ADGRA3: variants seen among roughly 807,000 people sequenced by gnomAD.
ADGRA3 encodes adhesion G protein-coupled receptor A3.
ADGRA3 carries 56 observed loss-of-function variants against 119.8 expected under a neutral mutation model. The ratio of observed to expected loss-of-function variants is 0.47; its 90% CI spans 0.38 to 0.58. ADGRA3 has a LOEUF of 0.58. Ranked by LOEUF, ADGRA3 falls within the 20% of genes least tolerant of loss-of-function variation. The pLI is 0.00. For missense variants in ADGRA3, 1,516 were observed against 1,649.0 expected, an observed-to-expected ratio of 0.92 and a Z score of 1.40; for synonymous variants, 607 against 623.8, an observed-to-expected ratio of 0.97 and a Z score of 0.40.
Position 22,388,078 on chromosome 4 carries a change from A to G in ADGRA3, c.3593T>C (p.Val1198Ala). 6.2e-7 allele frequency: 1 copy of G among 1,613,948 alleles called. No individual in the cohort carries two copies. Among genetic ancestry groups the G allele is most frequent in the Non-Finnish European group, 8.5e-7 (1 of 1,179,986 alleles). ...REYAYDVPTS[V>A]EGSVQNGLPK... ...TAAGCCGTTCTGCACGCTTCCTTCC[A>G]CGCTCGTTGGGACATCGTAGGCATA... is the stretch of plus-strand genomic sequence containing the variant. The change falls in exon 19 of 19, where the codon GTG becomes GCG. Residue 1198 changes from valine to alanine, a missense_variant. Physicochemically the swap from Val to Ala is moderately conservative, Grantham distance 64 (BLOSUM62 0). Around this residue, in one of 2 missense-constraint regions of ADGRA3, gnomAD observed 1,088 missense variants for 1,107.1 expected, o/e 0.98. Coordinates refer to ENST00000334304, the MANE Select transcript of ADGRA3 (RefSeq NM_145290.4).
At chr4:22,434,339 A>G (rs576720000) in intron 10 of ADGRA3, among the ~76,000 whole-genome samples, 46 of 152,060 alleles carry the variant, frequency 3.0e-4, no homozygotes, top group Non-Finnish European at 3.7e-4. Context: ...GAAGTTCTAC[A>G]TAAAGAAATA....
At chr4:22,490,623 A>C (rs1442359361) in intron 1 of ADGRA3, among the ~76,000 whole-genome samples, 1 of 152,220 alleles carries the variant, frequency 6.6e-6, no homozygotes, top group African/African-American at 2.4e-5. Flanking sequence ...AAGTGCTACA[A>C]GAGGGATATG....
chr4:22,420,680 G>A (rs1318705974), intron 12 of ADGRA3: 1 of 573,676 alleles, frequency 1.7e-6, no homozygotes, highest in Non-Finnish European at 3.1e-6. Flanking sequence ...TGAAGAAAGG[G>A]AATCAAAGGC....
chr4:22,496,144 T>C (rs1718817706), intron 1 of ADGRA3, among the ~76,000 whole-genome samples: 1 of 152,190 alleles, frequency 6.6e-6, no homozygotes, highest in African/African-American at 2.4e-5. Context: ...AAATAATTTA[T>C]ATCTGTCAAT....
At chr4:22,402,054 C>T (rs376033890) in intron 15 of ADGRA3, among the ~76,000 whole-genome samples, 172 of 152,246 alleles carry the variant, frequency 1.1e-3, no homozygotes, top group Middle Eastern at 0.01. Context: ...TGTTTCTTAA[C>T]TAAATGTCAA....
chr4:22,454,817 G>T, intron 4 of ADGRA3, 49 bp downstream of exon 4: 1 of 1,360,490 alleles, frequency 7.4e-7, no homozygotes, highest in Non-Finnish European at 1.1e-6. Flanking sequence ...TTTAGGTACT[G>T]GCTCAAATGC....
chr4:22,442,355 T>C (rs987606260), intron 7 of ADGRA3, among the ~76,000 whole-genome samples: 3 of 152,006 alleles, frequency 2.0e-5, no homozygotes, highest in African/African-American at 4.8e-5. Context: ...CAGGAAATAG[T>C]TGGAAATTAG....
chr4:22,401,029 T>A (rs1714613611), intron 16 of ADGRA3, among the ~76,000 whole-genome samples: 2 of 152,212 alleles, frequency 1.3e-5, no homozygotes, highest in African/African-American at 4.8e-5. Flanking sequence ...CCTAGTGTCA[T>A]TTTTATATCT....
chr4:22,446,954 AAC>A (rs1422016216), intron 5 of ADGRA3, among the ~76,000 whole-genome samples: 2 of 152,168 alleles, frequency 1.3e-5, no homozygotes, highest in Non-Finnish European at 2.9e-5. Flanking sequence ...TGTAAATCAG[AAC>A]TTAAACTGAT....
At chr4:22,394,211 C>T (rs1241896605) in intron 16 of ADGRA3, 5 of 152,032 alleles carry the variant, frequency 3.3e-5, no homozygotes, top group African/African-American at 9.7e-5. Flanking sequence ...AAATTATGGA[C>T]CACTGTCCAG....
intron 12 of ADGRA3, among the ~76,000 whole-genome samples, chr4:22,416,071 T>C (rs1715418662): frequency 6.6e-6 from 1 of 152,194 alleles, no homozygotes; most frequent in Admixed American, 6.5e-5. Context: ...AACAATGGAA[T>C]ACTTGTGTAT....
chr4:22,509,522 G>GA (rs58633107), intron 1 of ADGRA3, among the ~76,000 whole-genome samples: 1,343 of 132,938 alleles, frequency 0.01, 20 homozygotes, highest in African/African-American at 0.032. Context: ...GAAAAGAAAA[G>GA]AAAAAAAAAA....
intron 12 of ADGRA3, chr4:22,420,520 GCC>G (rs1715614385): frequency 3.5e-6 from 1 of 287,442 alleles, no homozygotes; most frequent in African/African-American, 2.2e-5. Flanking sequence ...ACTTTTAGGG[GCC>G]CATGAAAACA....
In ADGRA3 at chr4:22,513,870, A is replaced by AAC. The variant is rs1553883967; in HGVS notation, c.257+1657_257+1658insGT. 4.0e-3 allele frequency among the ~76,000 whole-genome samples: 382 copies of AAC among 95,622 alleles called. 45 individuals carry two copies. Among genetic ancestry groups the AAC allele is most frequent in the African/African-American group, 0.011 (276 of 25,764 alleles). The allele number at this position is 95,622 out of a possible 152,430, so 62.7% of individuals were successfully genotyped here. A position where few individuals can be genotyped will look rare whatever the true frequency, so the allele number is the denominator to read the frequency against. On this transcript the variant is annotated intron_variant, in intron 1 of 18. Coordinates refer to ENST00000334304, the MANE Select transcript of ADGRA3 (RefSeq NM_145290.4). ...CAAAAAAAAAAAAAAAAAAAAAAAA[A>AAC]AAAACTGGATTGAAATGACATTTCA...
chr4:22,416,746 A>C (rs1443431634), intron 12 of ADGRA3, among the ~76,000 whole-genome samples: 6 of 152,244 alleles, frequency 3.9e-5, no homozygotes, highest in African/African-American at 1.4e-4. Context: ...TTTAACACTA[A>C]AAATTGATGA....
chr4:22,402,677 G>A lies in ADGRA3; in HGVS notation c.2355C>T (p.His785=), dbSNP rs775470789. The A allele has an allele frequency of 1.2e-6, 2 of 1,612,086 alleles. No homozygotes were observed. Among genetic ancestry groups the A allele is most frequent in the Non-Finnish European group, 1.7e-6 (2 of 1,179,324 alleles). The change falls in exon 15 of 19, where the codon CAC becomes CAT. Residue 785 remains histidine (H), a splice_region_variant and synonymous_variant. Transcript: ENST00000334304. ...TTTTGTCGAGATGTATTTCTTACCT[G>A]TGATGGTATATGTAACTGACAATGA... ...LAVIVSYIYH[H]SLIRISLKSW...
rs777486337 is a variant in ADGRA3 at position 22,389,159 on chromosome 4, G to T, written c.2652C>A (p.Ile884=). 13 of 1,613,446 alleles carry T rather than the reference G, an allele frequency of 8.1e-6. No individual in the cohort carries two copies. Among genetic ancestry groups the T allele is most frequent in the African/African-American group, 1.3e-5 (1 of 74,892 alleles). ...MLRFYLIGGG[I]PIIVCGITAA... ...CAGTTATGCCGCAAACAATGATGGGGATACCACCACCAATCAGGTAAAATC... is the reference window on the plus strand; with the variant it reads ...CAGTTATGCCGCAAACAATGATGGGTATACCACCACCAATCAGGTAAAATC... The change falls in exon 18 of 19, where the codon ATC becomes ATA. Residue 884 remains isoleucine (I), a synonymous_variant. Transcript: ENST00000334304.
chr4:22,421,026 A>G lies in ADGRA3; in HGVS notation c.1669T>C (p.Cys557Arg), dbSNP rs751487183. 6.2e-7 allele frequency: 1 copy of G among 1,614,096 alleles called. No individual in the cohort carries two copies. Among genetic ancestry groups the G allele is most frequent in the Non-Finnish European group, 8.5e-7 (1 of 1,179,964 alleles). ...IKSTGFTGMTCTVFQKVAASD... is the reference protein window; with the variant it reads ...IKSTGFTGMTRTVFQKVAASD... ...GCTGCCACTTTCTGGAACACGGTAC[A>G]GGTCATCCCCGTGAAGCCAGTAGAC... The change falls in exon 12 of 19, where the codon TGT becomes CGT. Residue 557 changes from cysteine (C) to arginine (R), a missense_variant. Coordinates refer to ENST00000334304, the MANE Select transcript of ADGRA3 (RefSeq NM_145290.4).
intron 9 of ADGRA3, 96 bp downstream of exon 9, chr4:22,436,344 T>A (rs770172883): frequency 3.5e-6 from 3 of 849,890 alleles, no homozygotes; most frequent in Non-Finnish European, 5.5e-6. Context: ...TCCTTATGTT[T>A]TGCCTAGTAT....
Sources: gnomAD v4.1 joint callset for allele counts (sites outside exome capture counted in the v4.1 genomes callset) on GRCh38, gnomAD v4.1.1 for gene constraint, gnomAD v4.1.1 regional missense constraint, MANE v1.5 for transcripts, NCBI Gene and HGNC (gene_info 2026-07-23, HGNC 2026-07-21) for gene names.